The following TARS1 variants were observed in gnomAD, a reference collection of about 807,000 sequenced individuals.
TARS1 encodes the protein threonyl-tRNA synthetase 1.
TARS1 carries 57 observed loss-of-function variants against 97.7 expected under a neutral mutation model. The ratio of observed to expected loss-of-function variants is 0.58; its 90% CI spans 0.47 to 0.73. The LOEUF (loss-of-function observed/expected upper bound fraction) is 0.73, where lower values mean the gene tolerates loss of function less well. Among genes scored for constraint, TARS1 ranks in the 30% least tolerant of loss-of-function variants. TARS1 has a pLI of 0.00. For synonymous variants in TARS1, 312 were observed against 293.7 expected (o/e 1.06, Z -0.64); for missense variants, 806 against 888.3 (o/e 0.91, Z 1.18).
At position 33,457,290 on chromosome 5, in the gene TARS1, A is replaced by G. The variant is rs762860954; in HGVS notation, c.871A>G (p.Met291Val). The change falls in exon 9 of 19, where the codon ATG becomes GTG. Residue 291 changes from methionine (M) to valine (V), a missense_variant. Met to Val is a conservative substitution (Grantham distance 21). Around this residue, in one of 3 missense-constraint regions of TARS1, gnomAD observed 356 missense variants for 357.8 expected, o/e 0.99. Transcript: ENST00000265112. Reference sequence around the variant, plus strand: ...CACGTACTGGGAAGGCAAAGCAGATATGGAGACTCTCCAGAGAATTTATGG... The same window carrying G: ...CACGTACTGGGAAGGCAAAGCAGATGTGGAGACTCTCCAGAGAATTTATGG... ...SSTYWEGKADMETLQRIYGIS... is the reference protein window; with the variant it reads ...SSTYWEGKADVETLQRIYGIS... 16 of 1,614,212 alleles carry G rather than the reference A, an allele frequency of 9.9e-6. No individual in the cohort carries two copies. The East Asian group carries it at 2.7e-4, about 27-fold the overall frequency.
chr5:33,452,084 A>T (rs1438770112), intron 3 of TARS1, among the ~76,000 whole-genome samples: 1 of 152,194 alleles, frequency 6.6e-6, no homozygotes, highest in African/African-American at 2.4e-5. Flanking sequence ...TTTTCTCTTG[A>T]TCCTCAGATA....
intron 17 of TARS1, among the ~76,000 whole-genome samples, chr5:33,465,201 G>A (rs1468061032): frequency 6.6e-6 from 1 of 152,202 alleles, no homozygotes; most frequent in Admixed American, 6.5e-5. Context: ...GACAATCAAA[G>A]TTATGTTCCA....
intron 2 of TARS1, 35 bp from the exon 3 acceptor site, chr5:33,448,506 A>G (rs995159306): frequency 6.7e-6 from 10 of 1,482,528 alleles, no homozygotes; most frequent in Non-Finnish European, 8.2e-6. Flanking sequence ...ATATTTACTG[A>G]TCATTTATTT....
At chr5:33,456,255 A>G in intron 8 of TARS1, 28 bp downstream of exon 8, 6 of 1,521,818 alleles carry the variant, frequency 3.9e-6, no homozygotes, top group Non-Finnish European at 5.5e-6. Context: ...AAAGACTGTG[A>G]ATGTATCTGT....
intron 3 of TARS1, among the ~76,000 whole-genome samples, chr5:33,451,127 A>G (rs1370131472): frequency 1.3e-5 from 2 of 152,162 alleles, no homozygotes; most frequent in African/African-American, 2.4e-5. Flanking sequence ...GGAAAAAAAT[A>G]AAAGGTTGAA....
rs1742624244 is a variant in TARS1 at position 33,467,940 on chromosome 5, T to C, written c.*232T>C. Reference sequence around the variant, plus strand: ...AAAATGATTTTACTCATTCAGTATCTGAGTACTGGAAGTGAAACATGAGGA... The same window carrying C: ...AAAATGATTTTACTCATTCAGTATCCGAGTACTGGAAGTGAAACATGAGGA... On this transcript the variant is annotated 3_prime_UTR_variant, in exon 19 of 19. Transcript: ENST00000265112. 2 of 409,838 alleles carry C rather than the reference T, an allele frequency of 4.9e-6. No individual in the cohort carries two copies. Among genetic ancestry groups the C allele is most frequent in the East Asian group, 8.0e-5 (2 of 25,150 alleles). 25.4% of individuals were successfully genotyped at this position (409,838 alleles called of 1,614,324 possible).
At chr5:33,441,372 G>C in intron 1 of TARS1, 1 of 561,558 alleles carries the variant, frequency 1.8e-6, no homozygotes, top group Non-Finnish European at 3.2e-6. Flanking sequence ...TCTCTTTACA[G>C]ATGAGGAAAC....
intron 2 of TARS1, chr5:33,446,884 G>T: frequency 1.9e-6 from 1 of 516,636 alleles, no homozygotes; most frequent in Non-Finnish European, 3.0e-6. Context: ...GTTAATTCAT[G>T]GGTTCTTCAC....
intron 4 of TARS1, 46 bp downstream of exon 4, chr5:33,453,458 C>T (rs1448625220): frequency 6.2e-7 from 1 of 1,608,434 alleles, no homozygotes; most frequent in South Asian, 1.1e-5. Flanking sequence ...TGCAGATTCA[C>T]ATTTGAAGTC....
At chr5:33,446,578 T>C (rs1741430087) in intron 2 of TARS1, 1 of 706,396 alleles carries the variant, frequency 1.4e-6, no homozygotes, top group Non-Finnish European at 2.2e-6. Flanking sequence ...TACAGTGAAC[T>C]GTCCAAGACC....
At position 33,446,754 on chromosome 5, in the gene TARS1, G is replaced by A. The variant is rs963657055; in HGVS notation, c.138+1350G>A. 32 of 1,288,670 alleles carry A rather than the reference G, an allele frequency of 2.5e-5. No individual in the cohort carries two copies. The African/African-American group carries it at 4.4e-4, about 18-fold the overall frequency. 79.8% of individuals were successfully genotyped at this position (1,288,670 alleles called of 1,614,324 possible). A position where few individuals can be genotyped will look rare whatever the true frequency, so the allele number is the denominator to read the frequency against. On this transcript the variant is annotated intron_variant, in intron 2 of 18. Transcript: ENST00000265112. The stretch of plus-strand genomic sequence containing the variant: ...TGATAAACTGCAGTTAAGATACAGA[G>A]GGTGGTGCAGGTGGGTAGGATTATA...
intron 1 of TARS1, 187 bp downstream of exon 1, chr5:33,441,330 G>A: frequency 3.2e-6 from 2 of 633,738 alleles, no homozygotes; most frequent in South Asian, 3.7e-5. Context: ...CATAAATTAG[G>A]GTGGGGCCTT....
intron 3 of TARS1, 34 bp downstream of exon 3, chr5:33,448,765 T>C (rs2111940612): frequency 6.7e-7 from 1 of 1,484,574 alleles, no homozygotes; most frequent in East Asian, 2.4e-5. Context: ...CTTCCATAGT[T>C]TGTGGTCTAA....
At position 33,468,068 on chromosome 5, in the gene TARS1, TAAAA is replaced by T. The variant is rs113130518; in HGVS notation, c.*367_*370del. 1.1e-5 allele frequency: 2 copies of T among 175,380 alleles called. No homozygotes were observed. Among genetic ancestry groups the T allele is most frequent in the Non-Finnish European group, 2.4e-5 (2 of 83,772 alleles). The allele number at this position is 175,380 out of a possible 1,614,324, so 10.9% of individuals were successfully genotyped here. A position where few individuals can be genotyped will look rare whatever the true frequency, so the allele number is the denominator to read the frequency against. ...CTAGAATTGGATTATGGTGTAAAAATAAAAAAAAAATTTATTCACATAAGTTTCA... is the reference window on the plus strand; with the variant it reads ...CTAGAATTGGATTATGGTGTAAAAATAAAAAATTTATTCACATAAGTTTCA... On this transcript the variant is annotated 3_prime_UTR_variant, in exon 19 of 19. Transcript: ENST00000265112.
intron 2 of TARS1, chr5:33,446,826 G>C: frequency 1.9e-6 from 2 of 1,051,490 alleles, no homozygotes; most frequent in Non-Finnish European, 2.5e-6. Context: ...ATTAGTCTGA[G>C]GGGTTCAGAT....
chr5:33,451,673 G>A (rs113224643), intron 3 of TARS1, among the ~76,000 whole-genome samples: 10,406 of 152,136 alleles, frequency 0.068, 448 homozygotes, highest in South Asian at 0.19. Context: ...GCGCCTGGCC[G>A]TTTTGTTACA....
At chr5:33,461,578 A>G in intron 13 of TARS1, 89 bp from the exon 14 acceptor site, 1 of 1,295,218 alleles carries the variant, frequency 7.7e-7, no homozygotes, top group African/African-American at 1.5e-5. Flanking sequence ...TGATCTATGA[A>G]AGTAATTACT....
chr5:33,465,695 G>A (rs532971836), intron 17 of TARS1, among the ~76,000 whole-genome samples: 9 of 152,316 alleles, frequency 5.9e-5, no homozygotes, highest in African/African-American at 1.9e-4. Flanking sequence ...CTTGTGCACA[G>A]TATAGGCAAA....
intron 3 of TARS1, among the ~76,000 whole-genome samples, chr5:33,451,503 T>A (rs780058088): frequency 6.6e-6 from 1 of 151,540 alleles, no homozygotes; most frequent in Non-Finnish European, 1.5e-5. Flanking sequence ...GCCTCCTGAG[T>A]AGCTGGGATT....
Sources: gnomAD v4.1 joint callset for allele counts (sites outside exome capture counted in the v4.1 genomes callset) on GRCh38, gnomAD v4.1.1 for gene constraint, gnomAD v4.1.1 regional missense constraint, MANE v1.5 for transcripts, NCBI Gene and HGNC (gene_info 2026-07-23, HGNC 2026-07-21) for gene names.